The following MAP2K6 variants were observed in gnomAD, a reference collection of about 807,000 sequenced individuals.
MAP2K6 encodes the protein mitogen-activated protein kinase kinase 6, also known as dual specificity mitogen-activated protein kinase kinase 6.
Under a neutral mutation model 53.7 loss-of-function variants are expected in MAP2K6, and 16 were observed. That is an observed-to-expected ratio of 0.30 (90% CI 0.20 to 0.45). The LOEUF (loss-of-function observed/expected upper bound fraction) is 0.45, where lower values mean the gene tolerates loss of function less well. Among genes scored for constraint, MAP2K6 ranks in the 20% least tolerant of loss-of-function variants. The pLI is 1.00. For synonymous variants in MAP2K6, 132 were observed against 143.1 expected (o/e 0.92, Z 0.55); for missense variants, 204 against 411.9 (o/e 0.50, Z 4.37).
At chr17:69,509,118 G>C (rs572733453) in intron 2 of MAP2K6, among the ~76,000 whole-genome samples, 11 of 152,110 alleles carry the variant, frequency 7.2e-5, no homozygotes, top group African/African-American at 2.7e-4. Context: ...ATAAGTTTTA[G>C]AATAAGCTTA....
Position 69,528,082 on chromosome 17 carries a change from C to A in MAP2K6, c.881+1373C>A, listed in dbSNP as rs950461259. Among the ~76,000 whole-genome samples, 13 of 75,826 alleles carry A rather than the reference C, an allele frequency of 1.7e-4. No individual in the cohort carries two copies. In the Admixed American group the frequency reaches 1.8e-3, roughly 11 times the overall value. The allele number at this position is 75,826 out of a possible 152,430, so 49.7% of individuals were successfully genotyped here. A position where few individuals can be genotyped will look rare whatever the true frequency, so the allele number is the denominator to read the frequency against. The stretch of plus-strand genomic sequence containing the variant: ...CGAGATCACGCCATTGCACTCCAGC[C>A]TGAGCAACAAGAATAAAACTTCGTC... On this transcript the variant is annotated intron_variant, in intron 10 of 11. Transcript: ENST00000590474.
chr17:69,486,740 C>T (rs775016717), intron 1 of MAP2K6, among the ~76,000 whole-genome samples: 1 of 151,782 alleles, frequency 6.6e-6, no homozygotes, highest in South Asian at 2.1e-4. Context: ...AGGGAATAGG[C>T]TTTTCAATGT....
intron 1 of MAP2K6, among the ~76,000 whole-genome samples, chr17:69,451,484 G>C (rs1341103709): frequency 1.3e-5 from 2 of 152,218 alleles, no homozygotes; most frequent in Non-Finnish European, 2.9e-5. Flanking sequence ...AACATGGTCA[G>C]GTTTGTAATC....
rs1407912602 is a variant in MAP2K6 at position 69,542,605 on chromosome 17, G to C, written c.*852G>C. The C allele has an allele frequency of 6.6e-6, 1 of 152,204 alleles. No homozygotes were observed. The highest frequency in any genetic ancestry group is 1.5e-5 in the Non-Finnish European group (1 of 68,044). The allele number at this position is 152,204 out of a possible 1,614,324, so 9.4% of individuals were successfully genotyped here. On this transcript the variant is annotated 3_prime_UTR_variant, in exon 12 of 12. Coordinates refer to ENST00000590474, the MANE Select transcript of MAP2K6 (RefSeq NM_002758.4). ...TACCTATTCATCTACCTGTGTGTATGTGTGTGTTTGTGTGTCTATTTGGCA... is the reference window on the plus strand; with the variant it reads ...TACCTATTCATCTACCTGTGTGTATCTGTGTGTTTGTGTGTCTATTTGGCA...
At chr17:69,455,490 C>T (rs1263273880) in intron 1 of MAP2K6, among the ~76,000 whole-genome samples, 1 of 152,108 alleles carries the variant, frequency 6.6e-6, no homozygotes, top group Non-Finnish European at 1.5e-5. Flanking sequence ...TATTTTTAAT[C>T]AGGAAGGAAA....
At chr17:69,431,141 T>C (rs746400079) in intron 1 of MAP2K6, among the ~76,000 whole-genome samples, 1 of 152,164 alleles carries the variant, frequency 6.6e-6, no homozygotes, top group East Asian at 1.9e-4. Context: ...TTATCTTCTT[T>C]TTACAAAGGA....
chr17:69,519,236 C>T (rs778945550), intron 4 of MAP2K6, 77 bp from the exon 5 acceptor site: 19 of 1,492,574 alleles, frequency 1.3e-5, no homozygotes, highest in South Asian at 5.3e-5. Flanking sequence ...ACTATTTTCA[C>T]GATGGGACTC....
intron 1 of MAP2K6, among the ~76,000 whole-genome samples, chr17:69,449,577 C>CTTTCTTTCTTTCTTTCTT (rs1907126294): frequency 1.0e-5 from 1 of 97,710 alleles, no homozygotes; most frequent in South Asian, 3.5e-4. Flanking sequence ...TTCTTTCTTT[C>CTTTCTTTCTTTCTTTCTT]TTTCTTTCTT....
rs553286775 is a variant in MAP2K6, at chr17:69,545,675, A to C, written c.*3922A>C. ...TAAGTAATTAGGTCCCAACAGCTTA[A>C]TAATAGCAGTTTGCACAGTGTCCTG... is the stretch of plus-strand genomic sequence containing the variant. On this transcript the variant is annotated 3_prime_UTR_variant, in exon 12 of 12. Coordinates refer to ENST00000590474, the MANE Select transcript of MAP2K6 (RefSeq NM_002758.4). The C allele has an allele frequency of 6.6e-6, 1 of 152,330 alleles. No homozygotes were observed. Among genetic ancestry groups the C allele is most frequent in the South Asian group, 2.1e-4 (1 of 4,824 alleles). 9.4% of individuals were successfully genotyped at this position (152,330 alleles called of 1,614,324 possible).
intron 1 of MAP2K6, among the ~76,000 whole-genome samples, chr17:69,446,330 G>A (rs190733332): frequency 6.6e-6 from 1 of 152,346 alleles, no homozygotes; most frequent in Admixed American, 6.5e-5. Context: ...ATTTACATTA[G>A]TCAACAAGCT....
At position 69,426,147 on chromosome 17, in the gene MAP2K6, G is replaced by T. The variant is rs576928595; in HGVS notation, c.16+11147G>T. Among the ~76,000 whole-genome samples, 15 of 152,278 alleles carry T rather than the reference G, an allele frequency of 9.9e-5. No homozygotes were observed. In the East Asian group the frequency reaches 2.9e-3, roughly 29 times the overall value. On this transcript the variant is annotated intron_variant, in intron 1 of 11. Coordinates refer to ENST00000590474, the MANE Select transcript of MAP2K6 (RefSeq NM_002758.4). The stretch of plus-strand genomic sequence containing the variant: ...CTCAAACATCCTCCTGTGTAGCTGG[G>T]ATTACAGCCAGTGCCACTGTTCCCG...
In MAP2K6 at chr17:69,551,502, T is replaced by C. The variant is rs1912098794; in HGVS notation, c.*9749T>C. On this transcript the variant is annotated 3_prime_UTR_variant, in exon 12 of 12. Coordinates refer to ENST00000590474, the MANE Select transcript of MAP2K6 (RefSeq NM_002758.4). ...CTGTTTGCCACTAGAGCAAATTTAATAGCTGGGGTTTCACAGCAACTGTTT... is the reference window on the plus strand; with the variant it reads ...CTGTTTGCCACTAGAGCAAATTTAACAGCTGGGGTTTCACAGCAACTGTTT... 6.6e-6 allele frequency: 1 copy of C among 152,222 alleles called. No homozygotes were observed. The highest frequency in any genetic ancestry group is 2.4e-5 in the African/African-American group (1 of 41,468). 9.4% of individuals were successfully genotyped at this position (152,222 alleles called of 1,614,324 possible).
chr17:69,441,422 C>T (rs1598262986), intron 1 of MAP2K6, among the ~76,000 whole-genome samples: 1 of 152,198 alleles, frequency 6.6e-6, no homozygotes, highest in East Asian at 1.9e-4. Context: ...TGAGACCATC[C>T]ATTGAGTTTT....
chr17:69,552,535 G>C lies in MAP2K6; in HGVS notation c.*10782G>C, dbSNP rs1243777728. ...ATGAAACTCATTAGAAGTTTATAAA[G>C]TAAAGACCTGTAAAGCATGTGGGTG... On this transcript the variant is annotated 3_prime_UTR_variant, in exon 12 of 12. Coordinates refer to ENST00000590474, the MANE Select transcript of MAP2K6 (RefSeq NM_002758.4). 1 of 152,170 alleles carries C rather than the reference G, an allele frequency of 6.6e-6. No homozygotes were observed. Among genetic ancestry groups the C allele is most frequent in the Non-Finnish European group, 1.5e-5 (1 of 68,040 alleles). 9.4% of individuals were successfully genotyped at this position (152,170 alleles called of 1,614,324 possible). A position where few individuals can be genotyped will look rare whatever the true frequency, so the allele number is the denominator to read the frequency against.
rs1402322523 is a variant in MAP2K6 at position 69,547,950 on chromosome 17, G to A, written c.*6197G>A. 1.3e-5 allele frequency: 2 copies of A among 152,144 alleles called. No homozygotes were observed. Among genetic ancestry groups the A allele is most frequent in the Admixed American group, 1.3e-4 (2 of 15,276 alleles). The allele number at this position is 152,144 out of a possible 1,614,324, so 9.4% of individuals were successfully genotyped here. A position where few individuals can be genotyped will look rare whatever the true frequency, so the allele number is the denominator to read the frequency against. On this transcript the variant is annotated 3_prime_UTR_variant, in exon 12 of 12. Transcript: ENST00000590474. ...ATTCCCTGACTTGTACTGAGATTGG[G>A]GAATTTGGGAGGTCAGACTTACCTC...
At chr17:69,481,307 T>C (rs893188543) in intron 1 of MAP2K6, among the ~76,000 whole-genome samples, 1 of 152,234 alleles carries the variant, frequency 6.6e-6, no homozygotes, top group Non-Finnish European at 1.5e-5. Flanking sequence ...ATCCATGTTG[T>C]AGCATGTGTC....
rs199915836 is a variant in MAP2K6 at position 69,533,731 on chromosome 17, G to GTTTT, written c.882-2381_882-2380insTTTT. 7.8e-5 allele frequency among the ~76,000 whole-genome samples: 9 copies of GTTTT among 114,980 alleles called. No homozygotes were observed. The South Asian group carries it at 9.5e-4, about 12-fold the overall frequency. The allele number at this position is 114,980 out of a possible 152,430, so 75.4% of individuals were successfully genotyped here. On this transcript the variant is annotated intron_variant, in intron 10 of 11. Transcript: ENST00000590474. Reference sequence around the variant, plus strand: ...GTGGGAAATTCAGGGCTTCTAGCCTGTTTGTTTTTTTTTTTTTTTTTTACC... The same window carrying GTTTT: ...GTGGGAAATTCAGGGCTTCTAGCCTGTTTTTTTGTTTTTTTTTTTTTTTTTTACC...
chr17:69,517,724 A>G, intron 4 of MAP2K6, 111 bp downstream of exon 4: 2 of 570,528 alleles, frequency 3.5e-6, no homozygotes, highest in Non-Finnish European at 2.8e-6. Flanking sequence ...GTAGGGTAAA[A>G]CAGAAAAGAT....
Position 69,552,683 on chromosome 17 carries a change from A to G in MAP2K6, c.*10930A>G, listed in dbSNP as rs557639050. The G allele has an allele frequency of 6.6e-6, 1 of 152,290 alleles. No homozygotes were observed. The highest frequency in any genetic ancestry group is 2.1e-4 in the South Asian group (1 of 4,822). The allele number at this position is 152,290 out of a possible 1,614,324, so 9.4% of individuals were successfully genotyped here. On this transcript the variant is annotated 3_prime_UTR_variant, in exon 12 of 12. Transcript: ENST00000590474. ...TGTATATCTAACTGTGTTTTTCTAT[A>G]TGGAAATATATGAGCATCAAGTGAT...
Sources: allele counts gnomAD v4.1 joint callset (sites outside exome capture counted in the v4.1 genomes callset), GRCh38; gene constraint gnomAD v4.1.1; transcripts MANE v1.5; gene names NCBI Gene and HGNC (gene_info 2026-07-23, HGNC 2026-07-21).